The following TSPAN15 variants were observed in gnomAD, a reference collection of about 807,000 sequenced individuals.
TSPAN15 encodes tetraspanin-15.
TSPAN15 carries 20 observed loss-of-function variants against 34.5 expected under a neutral mutation model. The observed-to-expected ratio is 0.58, with a 90% CI of 0.41 to 0.84. TSPAN15 has a LOEUF of 0.84. Ranked by LOEUF, TSPAN15 falls within the 40% of genes least tolerant of loss-of-function variation. TSPAN15 has a pLI of 0.00. For missense variants in TSPAN15, 313 were observed against 386.1 expected, an observed-to-expected ratio of 0.81 and a Z score of 1.59; for synonymous variants, 155 against 153.9, an observed-to-expected ratio of 1.01 and a Z score of -0.05.
intron 3 of TSPAN15, among the ~76,000 whole-genome samples, chr10:69,492,833 T>C (rs1426807072): frequency 2.0e-5 from 3 of 152,036 alleles, no homozygotes; most frequent in Admixed American, 6.5e-5. Context: ...CAGTGGCCAG[T>C]GGGGGTGCTG....
chr10:69,460,385 G>A (rs1841225591), intron 1 of TSPAN15, among the ~76,000 whole-genome samples: 1 of 152,206 alleles, frequency 6.6e-6, no homozygotes, highest in African/African-American at 2.4e-5. Flanking sequence ...CCCCTGGGCT[G>A]GTGGAGGTGA....
chr10:69,488,441 A>G (rs564464959), intron 3 of TSPAN15, among the ~76,000 whole-genome samples: 3 of 152,310 alleles, frequency 2.0e-5, no homozygotes, highest in African/African-American at 7.2e-5. Flanking sequence ...TAACAAGTTC[A>G]GTCTCCAGTG....
At chr10:69,538,044 G>A in the TSPAN15 span, among the ~76,000 whole-genome samples, 4 of 152,212 alleles carry the variant, frequency 2.6e-5, no homozygotes, top group Non-Finnish European at 4.4e-5. Context: ...TGGTAGAGAG[G>A]AAGCCCTGGA....
At chr10:69,487,564 G>A (rs958679813) in intron 3 of TSPAN15, among the ~76,000 whole-genome samples, 1 of 152,222 alleles carries the variant, frequency 6.6e-6, no homozygotes, top group Non-Finnish European at 1.5e-5. Context: ...TTTCCTGGCT[G>A]GAGCCCAGGT....
At chr10:69,493,564 C>G (rs1354765239) in intron 3 of TSPAN15, among the ~76,000 whole-genome samples, 1 of 151,418 alleles carries the variant, frequency 6.6e-6, no homozygotes, top group Admixed American at 6.6e-5. Flanking sequence ...CCTCTGCCTC[C>G]CAGGTTCAAG....
At chr10:69,455,386 C>T (rs1362478987) in intron 1 of TSPAN15, among the ~76,000 whole-genome samples, 2 of 152,118 alleles carry the variant, frequency 1.3e-5, no homozygotes, top group Non-Finnish European at 2.9e-5. Context: ...TTTAAATCCA[C>T]GTGAATTATG....
the TSPAN15 span, among the ~76,000 whole-genome samples, chr10:69,540,680 C>T: frequency 6.6e-6 from 1 of 152,128 alleles, no homozygotes; most frequent in African/African-American, 2.4e-5. Flanking sequence ...GGATATACCC[C>T]AACATGCTTG....
the TSPAN15 span, among the ~76,000 whole-genome samples, chr10:69,514,140 C>T: frequency 6.6e-6 from 1 of 152,320 alleles, no homozygotes; most frequent in African/African-American, 2.4e-5. Context: ...AATGCCTTTT[C>T]TGCATATTTT....
chr10:69,508,401 A>C (rs1842378635), downstream of TSPAN15, among the ~76,000 whole-genome samples: 3 of 133,606 alleles, frequency 2.2e-5, no homozygotes, highest in Admixed American at 2.7e-4. Flanking sequence ...AGATCACACC[A>C]CTGTACTCCA....
intron 1 of TSPAN15, among the ~76,000 whole-genome samples, chr10:69,478,544 C>T (rs1841664787): frequency 6.6e-6 from 1 of 152,112 alleles, no homozygotes; most frequent in African/African-American, 2.4e-5. Context: ...GTTCAAATTC[C>T]TAGAGCCCTC....
intron 1 of TSPAN15, among the ~76,000 whole-genome samples, chr10:69,474,953 C>T (rs930067597): frequency 6.6e-6 from 1 of 152,164 alleles, no homozygotes; most frequent in Admixed American, 6.5e-5. Flanking sequence ...CTGGGGGGGC[C>T]TGGCCGGAGG....
At position 69,451,567 on chromosome 10, in the gene TSPAN15, C is replaced by T; in HGVS notation, c.-28C>T. The stretch of plus-strand genomic sequence containing the variant: ...GACCGAGCCGGAGAGCCCCGGAGCC[C>T]CCGTAACCCGCGCGGGGAGCGCCCA... On this transcript the variant is annotated 5_prime_UTR_variant, in exon 1 of 8. Coordinates refer to ENST00000373290, the MANE Select transcript of TSPAN15 (RefSeq NM_012339.5). 7.0e-7 allele frequency: 1 copy of T among 1,429,196 alleles called. No homozygotes were observed. The highest frequency in any genetic ancestry group is 9.2e-7 in the Non-Finnish European group (1 of 1,088,320). The allele number at this position is 1,429,196 out of a possible 1,614,324, so 88.5% of individuals were successfully genotyped here.
At chr10:69,493,165 A>T (rs1157824269) in intron 3 of TSPAN15, among the ~76,000 whole-genome samples, 1 of 152,184 alleles carries the variant, frequency 6.6e-6, no homozygotes, top group Non-Finnish European at 1.5e-5. Context: ...CCAAGGATGG[A>T]AAAGCTTTGT....
chr10:69,523,530 G>C, the TSPAN15 span: 2 of 459,570 alleles, frequency 4.4e-6, no homozygotes, highest in Non-Finnish European at 8.3e-6. Context: ...CCTTGTCAAA[G>C]AGCTCCTTCC....
At chr10:69,462,027 C>T (rs1403278160) in intron 1 of TSPAN15, among the ~76,000 whole-genome samples, 1 of 151,538 alleles carries the variant, frequency 6.6e-6, no homozygotes, top group Admixed American at 6.6e-5. Flanking sequence ...TGCTCTGTCA[C>T]CCAGAGCAAG....
chr10:69,532,377 ATACT>A, the TSPAN15 span, among the ~76,000 whole-genome samples: 2 of 152,216 alleles, frequency 1.3e-5, no homozygotes. Flanking sequence ...ATAAACCCAG[ATACT>A]TACAGCCAAC....
chr10:69,481,281 C>T (rs1841729426), intron 1 of TSPAN15, among the ~76,000 whole-genome samples: 1 of 152,136 alleles, frequency 6.6e-6, no homozygotes, highest in African/African-American at 2.4e-5. Flanking sequence ...TCCCTGCCGG[C>T]CTGTGTGTTG....
intron 1 of TSPAN15, among the ~76,000 whole-genome samples, chr10:69,458,541 C>T (rs1841166168): frequency 6.6e-6 from 1 of 152,168 alleles, no homozygotes; most frequent in African/African-American, 2.4e-5. Flanking sequence ...AATAGTGAAA[C>T]TCAAATAGTG....
At chr10:69,491,182 C>G (rs1164945570) in intron 3 of TSPAN15, among the ~76,000 whole-genome samples, 1 of 152,228 alleles carries the variant, frequency 6.6e-6, no homozygotes, top group African/African-American at 2.4e-5. Context: ...TTCTCCTGGT[C>G]CCCTGGGTTC....
Sources: allele counts gnomAD v4.1 joint callset (sites outside exome capture counted in the v4.1 genomes callset), GRCh38; gene constraint gnomAD v4.1.1; transcripts MANE v1.5; gene names NCBI Gene and HGNC (gene_info 2026-07-23, HGNC 2026-07-21).